The following C11orf65 variants were observed in gnomAD, a reference collection of about 807,000 sequenced individuals.
C11orf65 encodes chromosome 11 open reading frame 65.
In C11orf65, 38 loss-of-function variants were observed where a neutral mutation model predicts 35.3. The observed-to-expected ratio is 1.08, with a 90% CI of 0.83 to 1.41. C11orf65 has a LOEUF of 1.41. Ranked by LOEUF, C11orf65 falls within the 40% of genes most tolerant of loss-of-function variation. The probability of loss-of-function intolerance (pLI) is 0.00; values close to 1 mark genes in which losing one functional copy is unlikely to be tolerated. For synonymous variants in C11orf65, 105 were observed against 114.4 expected (o/e 0.92, Z 0.53); for missense variants, 370 against 367.1 (o/e 1.01, Z -0.06).
At chr11:108,363,792 G>C (rs552761748) in intron 2 of C11orf65, among the ~76,000 whole-genome samples, 1 of 152,076 alleles carries the variant, frequency 6.6e-6, no homozygotes, top group African/African-American at 2.4e-5. Flanking sequence ...TCTAATATTT[G>C]CAAGTATGAT....
At chr11:108,468,864 G>C (rs2093561570), upstream of C11orf65, among the ~76,000 whole-genome samples, 1 of 152,150 alleles carries the variant, frequency 6.6e-6, no homozygotes, top group Non-Finnish European at 1.5e-5. Flanking sequence ...AGCACTTTGG[G>C]AGGCTGAGGT....
intron 3 of C11orf65, among the ~76,000 whole-genome samples, chr11:108,428,771 C>G (rs1343005187): frequency 6.6e-6 from 1 of 152,124 alleles, no homozygotes; most frequent in African/African-American, 2.4e-5. Flanking sequence ...TGTAACAAAC[C>G]TGCATGTTCT....
chr11:108,326,612 G>A (rs368729186), downstream of C11orf65, among the ~76,000 whole-genome samples: 14 of 152,268 alleles, frequency 9.2e-5, no homozygotes, highest in East Asian at 2.1e-3. Context: ...GGACAATTAG[G>A]TTGTCAATCC....
At chr11:108,325,706 C>A (rs931992798) in intron 6 of C11orf65, among the ~76,000 whole-genome samples, 3 of 152,160 alleles carry the variant, frequency 2.0e-5, no homozygotes, top group African/African-American at 7.2e-5. Flanking sequence ...GGAATTAGAT[C>A]TGACTTTTAA....
At chr11:108,418,596 T>C (rs922988809) in intron 3 of C11orf65, among the ~76,000 whole-genome samples, 8 of 151,896 alleles carry the variant, frequency 5.3e-5, no homozygotes, top group Non-Finnish European at 1.2e-4. Context: ...TTTCAAAAAG[T>C]TAGAAAAATA....
rs539518317 is a variant in C11orf65 at position 108,433,337 on chromosome 11, G to A, written c.82-1499C>T. ...TCACGCCTATAATCCCAGCACTTTG[G>A]GAGGCCAAGGTGGGTGGGATCATGA... On this transcript the variant is annotated intron_variant, in intron 2 of 8. Transcript: ENST00000393084. 7.9e-5 allele frequency among the ~76,000 whole-genome samples: 12 copies of A among 151,356 alleles called. No homozygotes were observed. The East Asian group carries it at 2.3e-3, about 29-fold the overall frequency.
At chr11:108,414,330 A>T (rs1362576263) in intron 3 of C11orf65, among the ~76,000 whole-genome samples, 1 of 152,020 alleles carries the variant, frequency 6.6e-6, no homozygotes, top group Non-Finnish European at 1.5e-5. Context: ...TAAAATTTGT[A>T]AAGAATGAAA....
chr11:108,444,491 C>T (rs2093217705), intron 2 of C11orf65, among the ~76,000 whole-genome samples: 1 of 152,106 alleles, frequency 6.6e-6, no homozygotes, highest in Admixed American at 6.5e-5. Flanking sequence ...ATCCTGACAC[C>T]AAAGCCTGGC....
Position 108,320,025 on chromosome 11 carries a change from T to C in C11orf65, c.641-10954A>G. ...CTACAATCTCTAAGAGACAGAGAAT[T>C]CTCTACATTTTATGAAAGTCTCAAA... On this transcript the variant is annotated intron_variant, in intron 6 of 6. Coordinates refer to the C11orf65 transcript ENST00000525729. The C allele has an allele frequency of 2.5e-6, 4 of 1,610,026 alleles. No homozygotes were observed. The highest frequency in any genetic ancestry group is 3.4e-6 in the Non-Finnish European group (4 of 1,176,418).
At chr11:108,355,745 A>T (rs553949113) in intron 2 of C11orf65, 4 of 152,348 alleles carry the variant, frequency 2.6e-5, no homozygotes, top group African/African-American at 7.2e-5. Flanking sequence ...GAATATGTGC[A>T]TTTTTAAAAA....
intron 2 of C11orf65, chr11:108,353,880 GGTAA>G: frequency 1.2e-6 from 2 of 1,609,088 alleles, no homozygotes; most frequent in Non-Finnish European, 1.7e-6. Flanking sequence ...GTCTTCAGAA[GGTAA>G]GTGATATGAA....
At chr11:108,361,147 C>T (rs1209367709) in intron 2 of C11orf65, among the ~76,000 whole-genome samples, 3 of 134,916 alleles carry the variant, frequency 2.2e-5, no homozygotes, top group Non-Finnish European at 4.7e-5. Context: ...TTCTTTTACA[C>T]CAACAACAGA....
intron 3 of C11orf65, among the ~76,000 whole-genome samples, chr11:108,422,569 A>G (rs2092835122): frequency 6.6e-6 from 1 of 152,252 alleles, no homozygotes; most frequent in East Asian, 1.9e-4. Context: ...AATCACTTGG[A>G]TATCTGTAGG....
chr11:108,342,366 C>T (rs950892753), intron 2 of C11orf65, among the ~76,000 whole-genome samples: 7 of 152,162 alleles, frequency 4.6e-5, no homozygotes, highest in African/African-American at 1.7e-4. Context: ...TAAATATGCT[C>T]ACATAGTTAG....
At chr11:108,460,403 C>T (rs1177739890) in intron 2 of C11orf65, among the ~76,000 whole-genome samples, 1 of 152,152 alleles carries the variant, frequency 6.6e-6, no homozygotes, top group Non-Finnish European at 1.5e-5. Context: ...ATTCCTTACA[C>T]CTATAAGACC....
chr11:108,314,830 G>A (rs957092956), intron 6 of C11orf65, among the ~76,000 whole-genome samples: 1 of 152,052 alleles, frequency 6.6e-6, no homozygotes, highest in Non-Finnish European at 1.5e-5. Flanking sequence ...AAAATGATAA[G>A]GAAGAGAAAA....
chr11:108,407,948 A>AAAGAAAAG (rs369414523), intron 3 of C11orf65, among the ~76,000 whole-genome samples: 6 of 114,772 alleles, frequency 5.2e-5, no homozygotes, highest in Non-Finnish European at 8.8e-5. Context: ...AAAAAAAAAA[A>AAAGAAAAG]AAAAGAAAAG....
At chr11:108,326,059 T>C (rs1302106339) in intron 6 of C11orf65, 1 of 1,613,912 alleles carries the variant, frequency 6.2e-7, no homozygotes, top group Non-Finnish European at 8.5e-7. Context: ...TCATTTCAGC[T>C]CCCTGAAAGG....
intron 2 of C11orf65, among the ~76,000 whole-genome samples, chr11:108,349,523 C>T (rs1048032587): frequency 6.6e-6 from 1 of 152,050 alleles, no homozygotes; most frequent in Non-Finnish European, 1.5e-5. Context: ...ATTAGCCGGG[C>T]GAGGTGGTGG....
Sources: gnomAD v4.1 joint callset for allele counts (sites outside exome capture counted in the v4.1 genomes callset) on GRCh38, gnomAD v4.1.1 for gene constraint, MANE v1.5 for transcripts, NCBI Gene and HGNC (gene_info 2026-07-23, HGNC 2026-07-21) for gene names.